Variants in ARF4 observed in about 807,000 individuals in gnomAD.
ARF4 encodes the protein ADP-ribosylation factor 4.
Under a neutral mutation model 24.3 loss-of-function variants are expected in ARF4, and 5 were observed. That is an observed-to-expected ratio of 0.21 (90% CI 0.11 to 0.43). ARF4 has a LOEUF of 0.43. Ranked by LOEUF, ARF4 falls within the 20% of genes least tolerant of loss-of-function variation. ARF4 has a pLI of 1.00. For missense variants in ARF4, 107 were observed against 213.0 expected (o/e 0.50, Z 3.10); for synonymous variants, 62 against 73.5 (o/e 0.84, Z 0.80).
In ARF4 at chr3:57,597,245, G is replaced by A. The variant is rs73084427; in HGVS notation, c.-105C>T. ...CAAACTAAACGAGAGGGAAGAGAAA[G>A]AGCGGAGGAAGAAAGAGGGAGGCAG... On this transcript the variant is annotated 5_prime_UTR_variant, in exon 1 of 6. Coordinates refer to ENST00000303436, the MANE Select transcript of ARF4 (RefSeq NM_001660.4). 8,154 of 1,147,308 alleles carry A rather than the reference G, an allele frequency of 7.1e-3. 202 individuals carry two copies. Among genetic ancestry groups the A allele is most frequent in the Non-Finnish European group, 4.7e-3 (3,689 of 785,708 alleles). The allele number at this position is 1,147,308 out of a possible 1,614,324, so 71.1% of individuals were successfully genotyped here.
intron 1 of ARF4, among the ~76,000 whole-genome samples, chr3:57,595,729 A>C (rs1050160819): frequency 6.6e-6 from 1 of 152,148 alleles, no homozygotes; most frequent in Non-Finnish European, 1.5e-5. Flanking sequence ...TGGGTGGATC[A>C]CCTGAGGTGA....
intron 3 of ARF4, among the ~76,000 whole-genome samples, chr3:57,578,012 C>T (rs959864244): frequency 7.2e-5 from 11 of 152,084 alleles, no homozygotes; most frequent in Non-Finnish European, 1.2e-4. Context: ...AATCGCACCA[C>T]TGCACTGCAG....
At chr3:57,590,851 A>T (rs1463151904) in intron 1 of ARF4, among the ~76,000 whole-genome samples, 2 of 152,094 alleles carry the variant, frequency 1.3e-5, no homozygotes, top group African/African-American at 4.8e-5. Context: ...GCTAATTTTT[A>T]AAATTTTTTT....
In ARF4 at chr3:57,577,332, T is replaced by C; in HGVS notation, c.314A>G (p.Asp105Gly). ...ATTTCTTACCATTTTCTGCAGCTCA[T>C]CTGCTACTTCCTGAATTCTTTCACG... ...NDRERIQEVA[D>G]ELQKMLLVDE... Residue 105 changes from aspartate to glycine, a missense_variant, in exon 4 of 6, where the codon GAT becomes GGT. Physicochemically the swap from Asp to Gly is moderately conservative, Grantham distance 94. Coordinates refer to ENST00000303436, the MANE Select transcript of ARF4 (RefSeq NM_001660.4). The C allele has an allele frequency of 6.2e-7, 1 of 1,613,706 alleles. No individual in the cohort carries two copies. The highest frequency in any genetic ancestry group is 8.5e-7 in the Non-Finnish European group (1 of 1,179,750).
chr3:57,584,534 T>C (rs549957320), intron 1 of ARF4, 70 bp from the exon 2 acceptor site: 1 of 1,349,712 alleles, frequency 7.4e-7, no homozygotes, highest in Admixed American at 1.9e-5. Flanking sequence ...TTACAATAAA[T>C]TTATAGTTCA....
In ARF4 at chr3:57,571,712, C is replaced by A. The variant is rs903083102; in HGVS notation, c.*500G>T. 7 of 153,044 alleles carry A rather than the reference C, an allele frequency of 4.6e-5. No homozygotes were observed. The highest frequency in any genetic ancestry group is 1.7e-4 in the African/African-American group (7 of 41,448). 9.5% of individuals were successfully genotyped at this position (153,044 alleles called of 1,614,324 possible). ...GAGTCAATGTAGGGGGAAAAATTTC[C>A]TCAGTGCAAGAGAGCTGAGTAGTGT... On this transcript the variant is annotated 3_prime_UTR_variant, in exon 6 of 6. Transcript: ENST00000303436.
chr3:57,590,036 GTCGAGA>G (rs1256514900), intron 1 of ARF4, among the ~76,000 whole-genome samples: 2 of 149,728 alleles, frequency 1.3e-5, no homozygotes, highest in African/African-American at 4.9e-5. Flanking sequence ...GGCGCAGTGA[GTCGAGA>G]TCATGCCACT....
intron 1 of ARF4, among the ~76,000 whole-genome samples, chr3:57,589,123 C>T (rs1191439776): frequency 6.6e-6 from 1 of 150,622 alleles, no homozygotes; most frequent in Admixed American, 6.6e-5. Flanking sequence ...AAAAATTAGC[C>T]GGTTGTGATG....
At chr3:57,574,524 CT>C (rs1160829233) in intron 5 of ARF4, among the ~76,000 whole-genome samples, 2 of 151,794 alleles carry the variant, frequency 1.3e-5, no homozygotes, top group African/African-American at 4.8e-5. Context: ...GTCCTCCCAC[CT>C]CAGCCTCCCA....
At chr3:57,587,177 G>T (rs570747684) in intron 1 of ARF4, among the ~76,000 whole-genome samples, 6 of 152,030 alleles carry the variant, frequency 3.9e-5, no homozygotes, top group Non-Finnish European at 7.4e-5. Flanking sequence ...AAACTAGCTG[G>T]ATGTGGTGGC....
Position 57,572,037 on chromosome 3 carries a change from A to G in ARF4, c.*175T>C. On this transcript the variant is annotated 3_prime_UTR_variant, in exon 6 of 6. Transcript: ENST00000303436. ...GGAGAATTTCTTTAAAACCAAGCAC[A>G]TTGCTAAATAGCAACATTATACTCG... 1 of 519,820 alleles carries G rather than the reference A, an allele frequency of 1.9e-6. No homozygotes were observed. The allele number at this position is 519,820 out of a possible 1,614,324, so 32.2% of individuals were successfully genotyped here. A position where few individuals can be genotyped will look rare whatever the true frequency, so the allele number is the denominator to read the frequency against.
Position 57,575,638 on chromosome 3 carries a change from T to C in ARF4, c.366A>G (p.Leu122=), listed in dbSNP as rs1363611763. The part of the protein sequence containing the change: ...LVDELRDAVL[L]LFANKQDLPN... ...GCAAATCCTGTTTGTTTGCAAAAAG[T>C]AGCAGCACTGCATCTCTCAATTCAT... The change falls in exon 5 of 6, where the codon CTA becomes CTG. Residue 122 remains leucine (L), a synonymous_variant. Coordinates refer to ENST00000303436, the MANE Select transcript of ARF4 (RefSeq NM_001660.4). The C allele has an allele frequency of 1.2e-6, 2 of 1,613,450 alleles. No individual in the cohort carries two copies. The highest frequency in any genetic ancestry group is 1.7e-5 in the Admixed American group (1 of 59,882).
intron 1 of ARF4, among the ~76,000 whole-genome samples, chr3:57,586,783 A>G (rs529083169): frequency 1.4e-4 from 21 of 152,348 alleles, no homozygotes; most frequent in Non-Finnish European, 2.4e-4. Context: ...GTAACAAGAT[A>G]TAAAACAAAG....
At chr3:57,587,307 G>A (rs557440530) in intron 1 of ARF4, among the ~76,000 whole-genome samples, 3 of 136,458 alleles carry the variant, frequency 2.2e-5, no homozygotes, top group African/African-American at 5.6e-5. Context: ...CAACAAGAGC[G>A]GAACTCAGTC....
chr3:57,577,306 T>C lies in ARF4; in HGVS notation c.330+10A>G, dbSNP rs373013970. The C allele has an allele frequency of 4.7e-5, 75 of 1,607,670 alleles. No individual in the cohort carries two copies. Among genetic ancestry groups the C allele is most frequent in the Middle Eastern group, 1.6e-4 (1 of 6,074 alleles). ...CCTTGAAAATGATGAATTTAAAGTA[T>C]ATTTCTTACCATTTTCTGCAGCTCA... On this transcript the variant is annotated intron_variant, in intron 4 of 5. Transcript: ENST00000303436.
At chr3:57,574,129 T>G (rs569421663) in intron 5 of ARF4, among the ~76,000 whole-genome samples, 1 of 151,850 alleles carries the variant, frequency 6.6e-6, no homozygotes, top group South Asian at 2.1e-4. Flanking sequence ...TTAGTAGAGA[T>G]GGGGTTTCAT....
chr3:57,587,682 C>T (rs1439541728), intron 1 of ARF4, among the ~76,000 whole-genome samples: 1 of 151,910 alleles, frequency 6.6e-6, no homozygotes, highest in Admixed American at 6.6e-5. Flanking sequence ...ATTTTACATA[C>T]TCATTTTACT....
In ARF4 at chr3:57,583,887, G is replaced by A. The variant is rs753846757; in HGVS notation, c.258+11C>T. 3.2e-6 allele frequency: 5 copies of A among 1,542,110 alleles called. No homozygotes were observed. The highest frequency in any genetic ancestry group is 2.7e-5 in the African/African-American group (2 of 72,876). ...CAAAGAAAAGTTATAAAAACATACA[G>A]TATCCCTTACCTGGGTATTCTGGAA... is the stretch of plus-strand genomic sequence containing the variant. On this transcript the variant is annotated intron_variant, in intron 3 of 5. Coordinates refer to ENST00000303436, the MANE Select transcript of ARF4 (RefSeq NM_001660.4).
chr3:57,572,349 A>C, intron 5 of ARF4, 51 bp from the exon 6 acceptor site: 1 of 1,336,174 alleles, frequency 7.5e-7, no homozygotes, highest in Non-Finnish European at 1.1e-6. Flanking sequence ...AATATATAAC[A>C]CCAGTGTTTA....
Sources: gnomAD v4.1 joint callset for allele counts (sites outside exome capture counted in the v4.1 genomes callset) on GRCh38, gnomAD v4.1.1 for gene constraint, MANE v1.5 for transcripts, NCBI Gene and HGNC (gene_info 2026-07-23, HGNC 2026-07-21) for gene names.